PRKN: variants seen among roughly 807,000 people sequenced by gnomAD.
PRKN encodes E3 ubiquitin-protein ligase parkin.
Under a neutral mutation model 59.5 loss-of-function variants are expected in PRKN, and 56 were observed. The ratio of observed to expected loss-of-function variants is 0.94; its 90% CI spans 0.76 to 1.18. The LOEUF (loss-of-function observed/expected upper bound fraction) is 1.18, where lower values mean the gene tolerates loss of function less well. PRKN is among the 50% of genes most tolerant of loss of function. PRKN has a pLI of 0.00. For missense variants in PRKN, 657 were observed against 596.4 expected (o/e 1.10, Z -1.06); for synonymous variants, 250 against 222.1 (o/e 1.13, Z -1.12).
At chr6:161,977,945 G>A (rs890237270) in intron 5 of PRKN, among the ~76,000 whole-genome samples, 1 of 151,518 alleles carries the variant, frequency 6.6e-6, no homozygotes. Flanking sequence ...GCGGACAAAT[G>A]ACAGACCCAT....
intron 6 of PRKN, among the ~76,000 whole-genome samples, chr6:161,831,596 TC>T (rs1223791566): frequency 6.6e-6 from 1 of 152,204 alleles, no homozygotes; most frequent in Admixed American, 6.5e-5. Flanking sequence ...GAGCACTGGT[TC>T]TGTGCAGAAG....
At chr6:162,380,951 G>A (rs1280202835) in intron 2 of PRKN, among the ~76,000 whole-genome samples, 3 of 152,070 alleles carry the variant, frequency 2.0e-5, no homozygotes, top group South Asian at 2.1e-4. Context: ...AGAGTCCAGC[G>A]ACCAGAGTGG....
intron 4 of PRKN, among the ~76,000 whole-genome samples, chr6:162,142,559 C>A (rs1039322014): frequency 1.3e-5 from 2 of 152,054 alleles, no homozygotes; most frequent in Non-Finnish European, 2.9e-5. Context: ...CCATCCTGAC[C>A]CCCTGGATTT....
At chr6:161,870,152 G>A (rs1185922664) in intron 6 of PRKN, among the ~76,000 whole-genome samples, 1 of 152,136 alleles carries the variant, frequency 6.6e-6, no homozygotes, top group Non-Finnish European at 1.5e-5. Flanking sequence ...GATCAGGCAC[G>A]TTCAGGGTGG....
intron 9 of PRKN, among the ~76,000 whole-genome samples, chr6:161,474,542 G>C (rs535981979): frequency 6.6e-6 from 1 of 151,830 alleles, no homozygotes; most frequent in African/African-American, 2.4e-5. Context: ...AGATATCTTC[G>C]TATGATTTTA....
At chr6:162,101,672 TA>T (rs748981813) in intron 4 of PRKN, among the ~76,000 whole-genome samples, 32 of 144,294 alleles carry the variant, frequency 2.2e-4, no homozygotes, top group Non-Finnish European at 2.7e-4. Flanking sequence ...ACTCCGTCTC[TA>T]AAAAAAAAAA....
intron 2 of PRKN, among the ~76,000 whole-genome samples, chr6:162,355,926 A>G (rs2128132399): frequency 6.6e-6 from 1 of 152,288 alleles, no homozygotes; most frequent in Admixed American, 6.5e-5. Flanking sequence ...GCAAAGATCA[A>G]CTCATCAAAA....
intron 5 of PRKN, among the ~76,000 whole-genome samples, chr6:162,040,112 G>A (rs1166094994): frequency 6.6e-6 from 1 of 152,096 alleles, no homozygotes; most frequent in East Asian, 1.9e-4. Flanking sequence ...GATGGTTGTC[G>A]ATGCAAAGAC....
chr6:162,541,900 C>A (rs945576157), intron 1 of PRKN, among the ~76,000 whole-genome samples: 6 of 151,948 alleles, frequency 3.9e-5, no homozygotes, highest in South Asian at 2.1e-4. Flanking sequence ...TTGTAACTGA[C>A]AAATGGTTGA....
rs757952440 is a variant in PRKN, at chr6:161,546,786, CTTCTCTCTG to C, written c.1083+2059_1083+2067del. Among the ~76,000 whole-genome samples, 75 of 152,144 alleles carry C rather than the reference CTTCTCTCTG, an allele frequency of 4.9e-4. No individual in the cohort carries two copies. The highest frequency in any genetic ancestry group is 9.4e-4 in the Non-Finnish European group (64 of 68,010). On this transcript the variant is annotated intron_variant, in intron 9 of 11. Coordinates refer to ENST00000366898, the MANE Select transcript of PRKN (RefSeq NM_004562.3). This position sits in a 1 kb window ranked among gnomAD's most constrained non-coding sequence, Gnocchi z 4.4. Reference sequence around the variant, plus strand: ...GATTTGGTCCTACAAGGCACTGTAGCTTCTCTCTGTTCTCTCTTTTGGACAACTTGCTCT... The same window carrying C: ...GATTTGGTCCTACAAGGCACTGTAGCTTCTCTCTTTTGGACAACTTGCTCT...
chr6:161,573,755 A>T (rs12174568), intron 7 of PRKN, among the ~76,000 whole-genome samples: 8,591 of 29,984 alleles, frequency 0.29, 1,243 homozygotes, highest in Non-Finnish European at 0.34. Context: ...AAAAAAAAAA[A>T]ATATATATAT....
chr6:162,478,652 G>C (rs1792143546), intron 1 of PRKN, among the ~76,000 whole-genome samples: 1 of 152,122 alleles, frequency 6.6e-6, no homozygotes, highest in Non-Finnish European at 1.5e-5. Context: ...GTTGTTAGGG[G>C]ATTTTGTTTT....
chr6:162,274,333 T>C (rs925036481), intron 2 of PRKN, among the ~76,000 whole-genome samples: 1 of 151,940 alleles, frequency 6.6e-6, no homozygotes. Context: ...ACAACTGGAA[T>C]GTGCCACTAC....
At chr6:162,118,277 C>A (rs954374428) in intron 4 of PRKN, among the ~76,000 whole-genome samples, 1 of 151,588 alleles carries the variant, frequency 6.6e-6, no homozygotes, top group African/African-American at 2.4e-5. Context: ...TGGTGGCCAG[C>A]GCCAGTTGTC....
intron 5 of PRKN, among the ~76,000 whole-genome samples, chr6:162,018,703 T>C (rs1783021370): frequency 6.6e-6 from 1 of 152,192 alleles, no homozygotes; most frequent in Non-Finnish European, 1.5e-5. Flanking sequence ...TCTAATTGTA[T>C]TTATATACTT....
intron 4 of PRKN, among the ~76,000 whole-genome samples, chr6:162,059,372 C>T (rs1361067106): frequency 2.6e-5 from 4 of 152,194 alleles, no homozygotes; most frequent in Non-Finnish European, 5.9e-5. Context: ...AGTGTGAATG[C>T]TATGGCTATC....
At chr6:162,159,511 T>A (rs1227877830) in intron 4 of PRKN, among the ~76,000 whole-genome samples, 1 of 152,162 alleles carries the variant, frequency 6.6e-6, no homozygotes, top group Non-Finnish European at 1.5e-5. Context: ...GAAAATTCAA[T>A]ATTGTTCAGA....
intron 4 of PRKN, among the ~76,000 whole-genome samples, chr6:162,162,984 G>C (rs1782823667): frequency 6.7e-6 from 1 of 148,686 alleles, no homozygotes; most frequent in South Asian, 2.1e-4. Flanking sequence ...CTCCAGCCTG[G>C]GCGACAGAGC....
At chr6:162,396,676 T>G (rs1173347263) in intron 2 of PRKN, among the ~76,000 whole-genome samples, 1 of 152,188 alleles carries the variant, frequency 6.6e-6, no homozygotes, top group Admixed American at 6.5e-5. Flanking sequence ...GGCACATTTG[T>G]TACAGAAACA....
Sources: allele counts gnomAD v4.1 joint callset (sites outside exome capture counted in the v4.1 genomes callset), GRCh38; gene constraint gnomAD v4.1.1; non-coding constraint Gnocchi (gnomAD v3.1); transcripts MANE v1.5; gene names NCBI Gene and HGNC (gene_info 2026-07-23, HGNC 2026-07-21).